Variants in BRAF observed in about 807,000 individuals in gnomAD.
BRAF encodes the protein serine/threonine-protein kinase B-raf.
Under a neutral mutation model 104.6 loss-of-function variants are expected in BRAF, and 16 were observed. The ratio of observed to expected loss-of-function variants is 0.15; its 90% CI spans 0.10 to 0.23. The LOEUF (loss-of-function observed/expected upper bound fraction) is 0.23. BRAF is among the 10% of genes least tolerant of loss of function. The pLI is 1.00. For missense variants in BRAF, 541 were observed against 937.3 expected (o/e 0.58, Z 5.52); for synonymous variants, 310 against 341.6 (o/e 0.91, Z 1.02).
At chr7:140,855,067 A>G (rs1245814234) in intron 1 of BRAF, among the ~76,000 whole-genome samples, 1 of 152,222 alleles carries the variant, frequency 6.6e-6, no homozygotes, top group East Asian at 1.9e-4. Flanking sequence ...AAGAATAAAA[A>G]AAAGTCACAA....
At chr7:140,784,776 C>G (rs1801192357) in intron 10 of BRAF, among the ~76,000 whole-genome samples, 1 of 152,028 alleles carries the variant, frequency 6.6e-6, no homozygotes, top group African/African-American at 2.4e-5. Context: ...TCCCAAGTAG[C>G]TGGGATTACA....
In BRAF at chr7:140,723,970, T is replaced by C. The variant is rs768424709; in HGVS notation, c.*2524A>G. 1.1e-5 allele frequency: 11 copies of C among 1,041,658 alleles called. No individual in the cohort carries two copies. Among genetic ancestry groups the C allele is most frequent in the Admixed American group, 5.6e-5 (1 of 17,892 alleles). The allele number at this position is 1,041,658 out of a possible 1,614,324, so 64.5% of individuals were successfully genotyped here. A position where few individuals can be genotyped will look rare whatever the true frequency, so the allele number is the denominator to read the frequency against. ...TTGTAAACTAGAGAAAAAACCTATT[T>C]CATAGAAAAAGGAAGAAAAGAGAGG... is the stretch of plus-strand genomic sequence containing the variant. On this transcript the variant is annotated 3_prime_UTR_variant, in exon 20 of 20. Transcript: ENST00000644969.
At chr7:140,767,100 C>A (rs1410085521) in intron 14 of BRAF, among the ~76,000 whole-genome samples, 1 of 152,030 alleles carries the variant, frequency 6.6e-6, no homozygotes, top group Non-Finnish European at 1.5e-5. Context: ...TCTTCCCAGG[C>A]TCTAGAGATC....
At chr7:140,752,457 G>A (rs1456931165) in intron 16 of BRAF, among the ~76,000 whole-genome samples, 1 of 152,212 alleles carries the variant, frequency 6.6e-6, no homozygotes, top group African/African-American at 2.4e-5. Context: ...CTCACAAAGG[G>A]AAGATCTTGT....
chr7:140,714,156 C>CCAT, the BRAF span, among the ~76,000 whole-genome samples: 1 of 152,156 alleles, frequency 6.6e-6, no homozygotes, highest in African/African-American at 2.4e-5. Flanking sequence ...CAGAAATCAC[C>CCAT]CATCTTCTGC....
intron 17 of BRAF, chr7:140,747,252 C>T: frequency 2.8e-6 from 1 of 356,118 alleles, no homozygotes; most frequent in Non-Finnish European, 4.3e-6. Context: ...TGTAAGAGGA[C>T]ATCATTCTTT....
intron 1 of BRAF, among the ~76,000 whole-genome samples, chr7:140,885,113 C>T (rs947391157): frequency 3.9e-5 from 6 of 152,012 alleles, no homozygotes; most frequent in Admixed American, 2.0e-4. Flanking sequence ...GCGATTCTCC[C>T]GCCTCTCAGC....
intron 12 of BRAF, among the ~76,000 whole-genome samples, chr7:140,779,648 C>T (rs1033410963): frequency 1.3e-5 from 2 of 152,086 alleles, no homozygotes; most frequent in Admixed American, 6.6e-5. Flanking sequence ...AGATACCCAA[C>T]CTGGCCAGGT....
intron 1 of BRAF, among the ~76,000 whole-genome samples, chr7:140,907,428 A>AT (rs1276108811): frequency 6.6e-6 from 1 of 151,842 alleles, no homozygotes; most frequent in Non-Finnish European, 1.5e-5. Flanking sequence ...TGCCCAGCTA[A>AT]TTTTTTGTAC....
chr7:140,729,695 T>C (rs772212249), intron 19 of BRAF, among the ~76,000 whole-genome samples: 4 of 152,030 alleles, frequency 2.6e-5, no homozygotes, highest in Non-Finnish European at 4.4e-5. Flanking sequence ...GGAGAATCAC[T>C]TGAACCCGGG....
intron 13 of BRAF, 151 bp from the exon 13 acceptor site, chr7:140,777,239 A>T (rs1358497130): frequency 3.9e-6 from 3 of 771,880 alleles, no homozygotes; most frequent in Non-Finnish European, 6.3e-6. Flanking sequence ...TTTAGAAGAG[A>T]CTGGCAATTG....
Position 140,723,015 on chromosome 7 carries a change from T to C in BRAF, c.*3479A>G. 2.8e-6 allele frequency: 3 copies of C among 1,053,168 alleles called. No homozygotes were observed. Among genetic ancestry groups the C allele is most frequent in the Non-Finnish European group, 3.4e-6 (3 of 871,742 alleles). 65.2% of individuals were successfully genotyped at this position (1,053,168 alleles called of 1,614,324 possible). On this transcript the variant is annotated 3_prime_UTR_variant, in exon 20 of 20. Coordinates refer to ENST00000644969, the MANE Select transcript of BRAF (RefSeq NM_001374258.1). ...GTTAAAATCTTAAATCATCGTCATGTTCTAGAGCTCCTGACTTTTCATATT... is the reference window on the plus strand; with the variant it reads ...GTTAAAATCTTAAATCATCGTCATGCTCTAGAGCTCCTGACTTTTCATATT...
At position 140,724,224 on chromosome 7, in the gene BRAF, A is replaced by G; in HGVS notation, c.*2270T>C. 2 of 1,058,762 alleles carry G rather than the reference A, an allele frequency of 1.9e-6. No individual in the cohort carries two copies. The highest frequency in any genetic ancestry group is 1.1e-6 in the Non-Finnish European group (1 of 875,172). 65.6% of individuals were successfully genotyped at this position (1,058,762 alleles called of 1,614,324 possible). ...GCCCCTGCCCCTGCCCCACGGAGGC[A>G]GTCCCGGACCCAGGCTGCACATGTT... On this transcript the variant is annotated 3_prime_UTR_variant, in exon 20 of 20. Transcript: ENST00000644969.
At chr7:140,794,252 A>G (rs1451469527) in intron 8 of BRAF, 56 bp downstream of exon 8, 25 of 1,592,564 alleles carry the variant, frequency 1.6e-5, no homozygotes, top group Non-Finnish European at 2.0e-5. Flanking sequence ...ATTATAGCAG[A>G]AAAATAAAGA....
intron 14 of BRAF, among the ~76,000 whole-genome samples, chr7:140,766,043 AC>A (rs1324751918): frequency 6.3e-4 from 95 of 151,964 alleles, no homozygotes; most frequent in African/African-American, 2.2e-3. Flanking sequence ...AAGACTTGGA[AC>A]CAACCCAAAT....
rs915557650 is a variant in BRAF, at chr7:140,924,468, A to G, written c.138+98T>C. ...CGGAGCTGGCCCGAGAAGGTGGCTG[A>G]GGGCATCAAGCCCCCACCGCCGCCT... On this transcript the variant is annotated intron_variant, in intron 1 of 19. Transcript: ENST00000644969. This position sits in a 1 kb window ranked among gnomAD's most constrained non-coding sequence, Gnocchi z 4.2. 1.1e-5 allele frequency: 17 copies of G among 1,495,686 alleles called. No homozygotes were observed. In the South Asian group the frequency reaches 1.9e-4, roughly 17 times the overall value. The allele number at this position is 1,495,686 out of a possible 1,614,324, so 92.7% of individuals were successfully genotyped here. A position where few individuals can be genotyped will look rare whatever the true frequency, so the allele number is the denominator to read the frequency against.
intron 3 of BRAF, among the ~76,000 whole-genome samples, chr7:140,809,639 A>G (rs1422007686): frequency 6.6e-6 from 1 of 152,196 alleles, no homozygotes; most frequent in Non-Finnish European, 1.5e-5. Context: ...CCAGGGCTAT[A>G]TATATGACCC....
chr7:140,735,500 C>T (rs760566082), intron 18 of BRAF, among the ~76,000 whole-genome samples: 1 of 152,118 alleles, frequency 6.6e-6, no homozygotes, highest in South Asian at 2.1e-4. Flanking sequence ...CTATAATAAG[C>T]ACTCAATAAA....
chr7:140,852,777 T>C (rs1809327800), intron 1 of BRAF, among the ~76,000 whole-genome samples: 1 of 152,196 alleles, frequency 6.6e-6, no homozygotes, highest in Non-Finnish European at 1.5e-5. Flanking sequence ...CTAGTATACC[T>C]AATAGGCATT....
Sources: allele counts gnomAD v4.1 joint callset (sites outside exome capture counted in the v4.1 genomes callset), GRCh38; gene constraint gnomAD v4.1.1; non-coding constraint Gnocchi (gnomAD v3.1); transcripts MANE v1.5; gene names NCBI Gene and HGNC (gene_info 2026-07-23, HGNC 2026-07-21).